DYTN: variants seen among roughly 807,000 people sequenced by gnomAD.
DYTN encodes the protein dystrotelin.
Under a neutral mutation model 69.6 loss-of-function variants are expected in DYTN, and 75 were observed. The ratio of observed to expected loss-of-function variants is 1.08; its 90% CI spans 0.89 to 1.31. The LOEUF (loss-of-function observed/expected upper bound fraction) is 1.31. Ranked by LOEUF, DYTN falls within the 50% of genes most tolerant of loss-of-function variation. The probability of loss-of-function intolerance (pLI) is 0.00; values close to 1 mark genes in which losing one functional copy is unlikely to be tolerated. For missense variants in DYTN, 726 were observed against 688.4 expected (o/e 1.05, Z -0.61); for synonymous variants, 252 against 249.1 (o/e 1.01, Z -0.11).
chr2:206,692,998 CT>C (rs1406644800), intron 9 of DYTN, among the ~76,000 whole-genome samples, 176 bp downstream of exon 9: 1 of 152,104 alleles, frequency 6.6e-6, no homozygotes, highest in Admixed American at 6.6e-5. Flanking sequence ...CCTCTTAGTT[CT>C]ACTTTGAAAT....
chr2:206,695,093 G>A (rs62194553), intron 7 of DYTN, among the ~76,000 whole-genome samples: 1 of 151,968 alleles, frequency 6.6e-6, no homozygotes, highest in Non-Finnish European at 1.5e-5. Context: ...TTTTCAAATG[G>A]CATTATATTA....
chr2:206,695,525 G>T (rs1209461611), intron 7 of DYTN, among the ~76,000 whole-genome samples: 1 of 152,188 alleles, frequency 6.6e-6, no homozygotes, highest in Non-Finnish European at 1.5e-5. Flanking sequence ...AGAAATGACA[G>T]CCTTAAATCC....
intron 9 of DYTN, among the ~76,000 whole-genome samples, chr2:206,672,538 G>C (rs568703059): frequency 5.6e-4 from 86 of 152,276 alleles, no homozygotes; most frequent in Non-Finnish European, 9.0e-4. Flanking sequence ...GGTGTCTCCT[G>C]GTGTCCCAGT....
rs777427910 is a variant in DYTN, at chr2:206,707,342, G to C, written c.256C>G (p.Pro86Ala). The C allele has an allele frequency of 1.1e-5, 17 of 1,612,730 alleles. No homozygotes were observed. The highest frequency in any genetic ancestry group is 1.4e-5 in the Non-Finnish European group (16 of 1,179,548). The change falls in exon 3 of 12, where the codon CCG (proline) becomes GCG (alanine). Residue 86 changes from proline (P) to alanine (A), a missense_variant. Physicochemically the swap from Pro to Ala is conservative, Grantham distance 27. Coordinates refer to ENST00000452335, the MANE Select transcript of DYTN (RefSeq NM_001093730.1). ...GTGAGAAGGCTCAGAGTGAGTTCCGGAGCTCTGGGATGCACTTGTCCTGGG... is the reference window on the plus strand; with the variant it reads ...GTGAGAAGGCTCAGAGTGAGTTCCGCAGCTCTGGGATGCACTTGTCCTGGG... The part of the protein sequence containing the change: ...ENPGQVHPRA[P>A]ELTLSLLTTM...
At chr2:206,694,575 C>T (rs1379051806) in intron 8 of DYTN, among the ~76,000 whole-genome samples, 191 bp downstream of exon 8, 1 of 152,164 alleles carries the variant, frequency 6.6e-6, no homozygotes, top group Non-Finnish European at 1.5e-5. Context: ...TCCACTGAGA[C>T]ATACAATGTG....
chr2:206,651,948 T>C (rs1259053709), intron 11 of DYTN, 27 bp from the exon 12 acceptor site: 1 of 1,592,134 alleles, frequency 6.3e-7, no homozygotes, highest in East Asian at 2.2e-5. Context: ...AGAGAGTCAT[T>C]TAGAGAAACA....
chr2:206,680,218 G>C (rs930984314), intron 9 of DYTN, among the ~76,000 whole-genome samples: 1 of 152,212 alleles, frequency 6.6e-6, no homozygotes, highest in African/African-American at 2.4e-5. Flanking sequence ...GCAGGCAAGA[G>C]AGTGTGTGCA....
chr2:206,665,639 C>G (rs1699562281), intron 10 of DYTN, among the ~76,000 whole-genome samples: 1 of 151,774 alleles, frequency 6.6e-6, no homozygotes, highest in African/African-American at 2.4e-5. Context: ...AATCACTTTG[C>G]CCCAAAGTCT....
At chr2:206,697,663 A>G (rs1699933314) in intron 7 of DYTN, among the ~76,000 whole-genome samples, 2 of 152,192 alleles carry the variant, frequency 1.3e-5, no homozygotes, top group South Asian at 4.1e-4. Flanking sequence ...ACAAACCAAA[A>G]AACAAAAACC....
chr2:206,696,386 A>AT (rs1699920111), intron 7 of DYTN, among the ~76,000 whole-genome samples: 1 of 152,194 alleles, frequency 6.6e-6, no homozygotes, highest in Admixed American at 6.5e-5. Context: ...GAGCAGGAGA[A>AT]TGTAAATACC....
chr2:206,683,946 T>C (rs754221576), intron 9 of DYTN, among the ~76,000 whole-genome samples: 2 of 152,144 alleles, frequency 1.3e-5, no homozygotes, highest in African/African-American at 2.4e-5. Context: ...TTATTTTTCT[T>C]ACCTGCCTCT....
intron 3 of DYTN, 43 bp from the exon 4 acceptor site, chr2:206,705,916 G>C: frequency 6.3e-7 from 1 of 1,594,266 alleles, no homozygotes; most frequent in South Asian, 1.1e-5. Context: ...GGAAGGCCAG[G>C]GTTACCTTTG....
chr2:206,718,217 T>C (rs778659147), intron 1 of DYTN, 44 bp downstream of exon 1: 4 of 1,565,868 alleles, frequency 2.6e-6, no homozygotes, highest in South Asian at 2.4e-5. Flanking sequence ...TGCCTAATTT[T>C]TCTGTTTACA....
intron 9 of DYTN, among the ~76,000 whole-genome samples, chr2:206,691,743 T>C (rs887088213): frequency 6.6e-6 from 1 of 152,202 alleles, no homozygotes; most frequent in African/African-American, 2.4e-5. Flanking sequence ...GAGGTCATTG[T>C]GTACTTTATC....
chr2:206,676,169 G>C (rs1379591178), intron 9 of DYTN, among the ~76,000 whole-genome samples: 2 of 152,138 alleles, frequency 1.3e-5, no homozygotes, highest in East Asian at 3.8e-4. Context: ...CAAAGACTTG[G>C]AAGCAACCCA....
chr2:206,700,114 C>T (rs1312202583), intron 6 of DYTN, 31 bp downstream of exon 6: 2 of 1,613,354 alleles, frequency 1.2e-6, no homozygotes, highest in African/African-American at 2.7e-5. Flanking sequence ...GTGTCTGTCC[C>T]CAACTCCAGG....
At chr2:206,652,118 G>T (rs1028135828) in intron 11 of DYTN, among the ~76,000 whole-genome samples, 197 bp from the exon 12 acceptor site, 1 of 152,176 alleles carries the variant, frequency 6.6e-6, no homozygotes, top group Non-Finnish European at 1.5e-5. Context: ...TCAGGCATAG[G>T]TTCTTAAGAA....
chr2:206,673,540 G>A (rs903787428), intron 9 of DYTN, among the ~76,000 whole-genome samples: 9 of 152,152 alleles, frequency 5.9e-5, no homozygotes, highest in Admixed American at 2.0e-4. Flanking sequence ...ACAGGCATGA[G>A]CCACCACGCC....
At chr2:206,662,770 G>T in intron 11 of DYTN, 133 bp downstream of exon 11, 1 of 1,360,480 alleles carries the variant, frequency 7.4e-7, no homozygotes, top group Non-Finnish European at 9.9e-7. Flanking sequence ...AGATGCTACT[G>T]ATAACCAATA....
Sources: allele counts gnomAD v4.1 joint callset (sites outside exome capture counted in the v4.1 genomes callset), GRCh38; gene constraint gnomAD v4.1.1; transcripts MANE v1.5; gene names NCBI Gene and HGNC (gene_info 2026-07-23, HGNC 2026-07-21).